The following APOL4 variants were observed in gnomAD, a reference collection of about 807,000 sequenced individuals.
The protein encoded by APOL4 is apolipoprotein L4.
Under a neutral mutation model 12.1 loss-of-function variants are expected in APOL4, and 14 were observed. That is an observed-to-expected ratio of 1.16 (90% CI 0.76 to 1.81). APOL4 has a LOEUF of 1.81. Among genes scored for constraint, APOL4 ranks in the 40% most tolerant of loss-of-function variants. The pLI, the probability that APOL4 is intolerant of heterozygous loss-of-function variation, is 0.00. For synonymous variants in APOL4, 171 were observed against 160.6 expected (o/e 1.06, Z -0.49); for missense variants, 432 against 423.1 (o/e 1.02, Z -0.18).
chr22:36,192,262 T>A lies in APOL4; in HGVS notation c.210-350A>T, dbSNP rs184366398. Among the ~76,000 whole-genome samples, 400 of 151,570 alleles carry A rather than the reference T, an allele frequency of 2.6e-3. 4 individuals carry two copies. The highest frequency in any genetic ancestry group is 9.4e-3 in the African/African-American group (388 of 41,330). On this transcript the variant is annotated intron_variant, in intron 3 of 3. Transcript: ENST00000683024. Reference sequence around the variant, plus strand: ...GGCTGAGGCAGGAGAATGGCATGAATCCAGGAGGTGGAGCTTGCAGTGAGC... The same window carrying A: ...GGCTGAGGCAGGAGAATGGCATGAAACCAGGAGGTGGAGCTTGCAGTGAGC...
At chr22:36,196,235 GC>G (rs2014410428) in intron 2 of APOL4, among the ~76,000 whole-genome samples, 1 of 152,186 alleles carries the variant, frequency 6.6e-6, no homozygotes, top group Non-Finnish European at 1.5e-5. Flanking sequence ...GTCAAGAGCA[GC>G]ATTTTAAAAA....
At chr22:36,196,102 A>C (rs989372663) in intron 2 of APOL4, among the ~76,000 whole-genome samples, 6 of 152,216 alleles carry the variant, frequency 3.9e-5, no homozygotes, top group Admixed American at 3.9e-4. Flanking sequence ...TTTTCTCCCC[A>C]TGTACGGGAA....
At position 36,195,328 on chromosome 22, in the gene APOL4, A is replaced by G; in HGVS notation, c.192T>C (p.Arg64=). ...TSDEAWKRFV[R]VAELPREEAD... is the part of the protein sequence containing the mutation. ...GAGGTTACCTGGGCAATTCAGCCACACGCACAAATCTCTTCCAGGCTTCAT... is the reference window on the plus strand; with the variant it reads ...GAGGTTACCTGGGCAATTCAGCCACGCGCACAAATCTCTTCCAGGCTTCAT... Residue 64 remains arginine (R), a synonymous_variant, in exon 3 of 4, where the codon CGT becomes CGC. Coordinates refer to ENST00000683024, the MANE Select transcript of APOL4 (RefSeq NM_001386885.1). The G allele has an allele frequency of 2.5e-6, 4 of 1,614,002 alleles. No homozygotes were observed. The highest frequency in any genetic ancestry group is 3.4e-6 in the Non-Finnish European group (4 of 1,179,906).
chr22:36,198,772 A>G (rs908090230), intron 2 of APOL4, among the ~76,000 whole-genome samples: 2 of 152,230 alleles, frequency 1.3e-5, no homozygotes, highest in African/African-American at 2.4e-5. Flanking sequence ...CAGGTCACAC[A>G]GAGGGGACAT....
At chr22:36,199,027 T>C (rs1316846137) in intron 2 of APOL4, among the ~76,000 whole-genome samples, 1 of 152,196 alleles carries the variant, frequency 6.6e-6, no homozygotes, top group Non-Finnish European at 1.5e-5. Context: ...CTGTTTCCAT[T>C]TCCCCAAGGC....
intron 3 of APOL4, among the ~76,000 whole-genome samples, chr22:36,193,338 T>C (rs530785079): frequency 6.6e-6 from 1 of 152,344 alleles, no homozygotes; most frequent in South Asian, 2.1e-4. Context: ...GCTTCCTTCC[T>C]GATTTAATGT....
chr22:36,204,522 T>C (rs2014671899), upstream of APOL4: 2 of 219,700 alleles, frequency 9.1e-6, no homozygotes, highest in Non-Finnish European at 1.8e-5. Context: ...TCTGAACGAG[T>C]TACCTAACCT....
In APOL4 at chr22:36,191,557, C is replaced by A. The variant is rs373611761; in HGVS notation, c.565G>T (p.Val189Leu). The A allele has an allele frequency of 6.2e-7, 1 of 1,613,930 alleles. No individual in the cohort carries two copies. Among genetic ancestry groups the A allele is most frequent in the Non-Finnish European group, 8.5e-7 (1 of 1,179,856 alleles). Residue 189 changes from valine (V) to leucine (L), a missense_variant, in exon 4 of 4, where the codon GTG (valine) becomes TTG (leucine). Coordinates refer to ENST00000683024, the MANE Select transcript of APOL4 (RefSeq NM_001386885.1). ...SATAGIASSI[V>L]ENTYTRSAEL... ...GCTGACCTTGTGTATGTGTTCTCCA[C>A]GATGCTGGAGGCGATCCCAGCCGTG...
chr22:36,202,816 C>T (rs1451025182), upstream of APOL4, among the ~76,000 whole-genome samples: 2 of 152,012 alleles, frequency 1.3e-5, no homozygotes, highest in Admixed American at 6.5e-5. Context: ...GGACTTTTGG[C>T]AGCTCTATCA....
intron 1 of APOL4, 78 bp from the exon 2 acceptor site, chr22:36,199,454 C>A: frequency 6.2e-7 from 1 of 1,613,392 alleles, no homozygotes; most frequent in South Asian, 1.1e-5. Flanking sequence ...AGCTGGGCCT[C>A]TGCAGATCCC....
At chr22:36,200,227 T>C (rs1443315735) in intron 1 of APOL4, among the ~76,000 whole-genome samples, 2 of 152,202 alleles carry the variant, frequency 1.3e-5, no homozygotes, top group Non-Finnish European at 2.9e-5. Flanking sequence ...CTTGCCAGTG[T>C]TTTCTATTGC....
upstream of APOL4, chr22:36,201,884 G>A: frequency 1.3e-6 from 2 of 1,594,628 alleles, no homozygotes; most frequent in Non-Finnish European, 1.7e-6. Context: ...AAGTGATTTT[G>A]GTTCCTAGAA....
Position 36,191,244 on chromosome 22 carries a change from G to T in APOL4, c.878C>A (p.Thr293Asn), listed in dbSNP as rs370708432. The change falls in exon 4 of 4, where the codon ACT (threonine) becomes AAT (asparagine). Residue 293 changes from threonine to asparagine, a missense_variant. Transcript: ENST00000683024. ...RKVARNLGKA[T>N]SGVLVVLDVV... Reference sequence around the variant, plus strand: ...ATCCAGCACAACAAGGACACCTGAAGTGGCCTTGCCCAGGTTCCGGGCTAC... The same window carrying T: ...ATCCAGCACAACAAGGACACCTGAATTGGCCTTGCCCAGGTTCCGGGCTAC... 1.9e-6 allele frequency: 3 copies of T among 1,614,050 alleles called. No individual in the cohort carries two copies. Among genetic ancestry groups the T allele is most frequent in the Non-Finnish European group, 2.5e-6 (3 of 1,179,894 alleles).
At chr22:36,203,324 A>C (rs1054095317), upstream of APOL4, among the ~76,000 whole-genome samples, 1 of 152,142 alleles carries the variant, frequency 6.6e-6, no homozygotes, top group Non-Finnish European at 1.5e-5. Flanking sequence ...CAGTTTAGTG[A>C]GGGCGGGGGT....
At chr22:36,203,152 G>A (rs2014634057), upstream of APOL4, among the ~76,000 whole-genome samples, 1 of 152,200 alleles carries the variant, frequency 6.6e-6, no homozygotes, top group African/African-American at 2.4e-5. Context: ...TCCTATTGCG[G>A]GATCTGGCCA....
intron 3 of APOL4, among the ~76,000 whole-genome samples, chr22:36,193,135 G>C (rs948433092): frequency 6.6e-6 from 1 of 152,088 alleles, no homozygotes; most frequent in Non-Finnish European, 1.5e-5. Flanking sequence ...TTTGATAAGC[G>C]ACTGTCTGAC....
At chr22:36,197,546 G>T (rs1234797229) in intron 2 of APOL4, 6 of 1,391,202 alleles carry the variant, frequency 4.3e-6, no homozygotes, top group Non-Finnish European at 5.6e-6. Context: ...ACATTCCCGG[G>T]CAAACAAAAC....
chr22:36,201,165 T>C (rs132722), intron 1 of APOL4, among the ~76,000 whole-genome samples: 68,981 of 147,270 alleles, frequency 0.47, 15,656 homozygotes, highest in East Asian at 0.89. Flanking sequence ...AACAATACCA[T>C]TTCAGGCCCA....
intron 3 of APOL4, among the ~76,000 whole-genome samples, chr22:36,194,850 TC>T (rs1443284261): frequency 1.3e-5 from 2 of 152,206 alleles, no homozygotes; most frequent in Non-Finnish European, 2.9e-5. Context: ...TTCTGACTTT[TC>T]CCAAAGAAAG....
Sources: allele counts gnomAD v4.1 joint callset (sites outside exome capture counted in the v4.1 genomes callset), GRCh38; gene constraint gnomAD v4.1.1; transcripts MANE v1.5; gene names NCBI Gene and HGNC (gene_info 2026-07-23, HGNC 2026-07-21).